DYNC1I1: variants seen among roughly 807,000 people sequenced by gnomAD.
DYNC1I1 encodes cytoplasmic dynein 1 intermediate chain 1.
Under a neutral mutation model 86.6 loss-of-function variants are expected in DYNC1I1, and 43 were observed. That is an observed-to-expected ratio of 0.50 (90% CI 0.39 to 0.64). The LOEUF (loss-of-function observed/expected upper bound fraction) is 0.64, where lower values mean the gene tolerates loss of function less well. Ranked by LOEUF, DYNC1I1 falls within the 30% of genes least tolerant of loss-of-function variation. DYNC1I1 has a pLI of 0.00. For synonymous variants in DYNC1I1, 262 were observed against 283.7 expected, an observed-to-expected ratio of 0.92 and a Z score of 0.77; for missense variants, 604 against 788.8, an observed-to-expected ratio of 0.77 and a Z score of 2.81.
chr7:95,995,834 A>G (rs1793853384), intron 9 of DYNC1I1, 114 bp from the exon 10 acceptor site: 2 of 1,423,696 alleles, frequency 1.4e-6, no homozygotes, highest in East Asian at 4.9e-5. Flanking sequence ...ATGCCACAAC[A>G]TAACAGAAAG....
At chr7:95,973,771 C>T (rs1793234901) in intron 6 of DYNC1I1, among the ~76,000 whole-genome samples, 1 of 152,090 alleles carries the variant, frequency 6.6e-6, no homozygotes, top group Admixed American at 6.6e-5. Flanking sequence ...TTAAAATAAA[C>T]ACCCTTATAG....
chr7:95,869,841 A>G (rs759734484), intron 5 of DYNC1I1, 42 bp from the exon 6 acceptor site: 13 of 1,567,846 alleles, frequency 8.3e-6, no homozygotes, highest in Admixed American at 3.5e-5. Flanking sequence ...TTCTGCAAGG[A>G]ATGCCTCCCC....
At chr7:95,941,664 T>C (rs1792225687) in intron 6 of DYNC1I1, among the ~76,000 whole-genome samples, 1 of 152,192 alleles carries the variant, frequency 6.6e-6, no homozygotes, top group Non-Finnish European at 1.5e-5. Context: ...AAAAGCGCAG[T>C]CTTGGGGTGG....
At chr7:95,950,613 A>G in intron 6 of DYNC1I1, among the ~76,000 whole-genome samples, 1 of 152,222 alleles carries the variant, frequency 6.6e-6, no homozygotes, top group Admixed American at 6.5e-5. Context: ...TGCAACTCTC[A>G]TGGCAGAATT....
At chr7:95,901,863 A>C (rs1259567123) in intron 6 of DYNC1I1, among the ~76,000 whole-genome samples, 3 of 152,210 alleles carry the variant, frequency 2.0e-5, no homozygotes, top group Admixed American at 2.0e-4. Flanking sequence ...AATACATAAC[A>C]GAAATCACTG....
chr7:95,809,229 G>T (rs1031154026), intron 2 of DYNC1I1, among the ~76,000 whole-genome samples: 1 of 152,140 alleles, frequency 6.6e-6, no homozygotes, highest in African/African-American at 2.4e-5. Context: ...TTTATAATCA[G>T]TGTGTAGGTT....
chr7:96,110,261 T>C (rs757734098), downstream of DYNC1I1: 16 of 206,982 alleles, frequency 7.7e-5, no homozygotes, highest in African/African-American at 1.2e-4. Context: ...CTGACCCTTT[T>C]ATCAATATGA....
intron 2 of DYNC1I1, among the ~76,000 whole-genome samples, chr7:95,806,823 ACT>A (rs1379400644): frequency 6.6e-6 from 1 of 151,990 alleles, no homozygotes; most frequent in African/African-American, 2.4e-5. Flanking sequence ...CTGTCCATGC[ACT>A]CTCTGCAACT....
intron 1 of DYNC1I1, among the ~76,000 whole-genome samples, chr7:95,779,199 A>C (rs1793923146): frequency 6.6e-6 from 1 of 152,178 alleles, no homozygotes; most frequent in Admixed American, 6.5e-5. Context: ...TCTGCTTTAG[A>C]AGTTCTAGTT....
intron 6 of DYNC1I1, among the ~76,000 whole-genome samples, chr7:95,921,795 C>T (rs1791617495): frequency 6.6e-6 from 1 of 152,152 alleles, no homozygotes; most frequent in Non-Finnish European, 1.5e-5. Context: ...GCAGTGTGAT[C>T]CTACAGTTTC....
intron 6 of DYNC1I1, among the ~76,000 whole-genome samples, chr7:95,947,466 C>A (rs1194204151): frequency 6.6e-6 from 1 of 152,108 alleles, no homozygotes; most frequent in African/African-American, 2.4e-5. Context: ...CTCCACTTAC[C>A]TTTCTTGAGT....
chr7:95,849,975 C>G (rs144838753), intron 5 of DYNC1I1, among the ~76,000 whole-genome samples: 2,325 of 152,082 alleles, frequency 0.015, 31 homozygotes, highest in Non-Finnish European at 0.024. Context: ...ATTTTGGTCT[C>G]TATTGTAAAT....
chr7:96,107,533 CT>C (rs201003613), intron 16 of DYNC1I1, among the ~76,000 whole-genome samples: 1,485 of 138,660 alleles, frequency 0.011, 3 homozygotes, highest in African/African-American at 0.013. Flanking sequence ...GTAATTTCTT[CT>C]TTTTTTTTTT....
At chr7:96,010,126 T>C (rs1465735725) in intron 10 of DYNC1I1, among the ~76,000 whole-genome samples, 1 of 152,180 alleles carries the variant, frequency 6.6e-6, no homozygotes, top group Admixed American at 6.5e-5. Context: ...AAATACGACC[T>C]GTTCCTTGTC....
At chr7:95,961,984 G>T (rs1216927478) in intron 6 of DYNC1I1, among the ~76,000 whole-genome samples, 1 of 152,132 alleles carries the variant, frequency 6.6e-6, no homozygotes, top group African/African-American at 2.4e-5. Context: ...TTCATGATGT[G>T]CCCAGGTTGG....
chr7:96,037,226 A>G (rs753708232), intron 13 of DYNC1I1, among the ~76,000 whole-genome samples: 14 of 152,188 alleles, frequency 9.2e-5, no homozygotes, highest in Non-Finnish European at 1.8e-4. Flanking sequence ...TCCATTCCCA[A>G]TGATCCTCCT....
chr7:95,797,651 C>A (rs1241662056), intron 1 of DYNC1I1, among the ~76,000 whole-genome samples: 1 of 152,158 alleles, frequency 6.6e-6, no homozygotes, highest in Non-Finnish European at 1.5e-5. Flanking sequence ...ACAAAAAGTT[C>A]ATTGATTGAT....
intron 6 of DYNC1I1, among the ~76,000 whole-genome samples, chr7:95,930,926 C>T (rs1434258318): frequency 6.6e-6 from 1 of 152,116 alleles, no homozygotes; most frequent in Non-Finnish European, 1.5e-5. Flanking sequence ...TTCTAGGCTA[C>T]AGTATTTCAG....
In DYNC1I1 at chr7:95,920,366, A is replaced by G. The variant is rs184458133; in HGVS notation, c.490+50368A>G. 7.9e-5 allele frequency among the ~76,000 whole-genome samples: 12 copies of G among 152,330 alleles called. No homozygotes were observed. In the East Asian group the frequency reaches 2.1e-3, roughly 27 times the overall value. ...AAAAATTCTCAAGGTTATCAAAAAC[A>G]AGGAATGTCTAGTGGCACCTAAGGA... On this transcript the variant is annotated intron_variant, in intron 6 of 16. Transcript: ENST00000447467.
Sources: gnomAD v4.1 joint callset for allele counts (sites outside exome capture counted in the v4.1 genomes callset) on GRCh38, gnomAD v4.1.1 for gene constraint, MANE v1.5 for transcripts, NCBI Gene and HGNC (gene_info 2026-07-23, HGNC 2026-07-21) for gene names.